The following MYO9B variants were observed in gnomAD, a reference collection of about 807,000 sequenced individuals.
The protein encoded by MYO9B is myosin IXB, also known as unconventional myosin-IXb.
MYO9B carries 71 observed loss-of-function variants against 229.5 expected under a neutral mutation model. The observed-to-expected ratio is 0.31, with a 90% CI of 0.26 to 0.38. MYO9B has a LOEUF of 0.38. Ranked by LOEUF, MYO9B falls within the 10% of genes least tolerant of loss-of-function variation. The pLI is 1.00. For missense variants in MYO9B, 2,255 were observed against 2,920.5 expected, an observed-to-expected ratio of 0.77 and a Z score of 5.25; for synonymous variants, 1,185 against 1,235.8, an observed-to-expected ratio of 0.96 and a Z score of 0.86.
chr19:17,149,769 T>C (rs773771443), intron 3 of MYO9B, among the ~76,000 whole-genome samples: 1 of 152,214 alleles, frequency 6.6e-6, no homozygotes, highest in Non-Finnish European at 1.5e-5. Flanking sequence ...GACTCAGTGC[T>C]GGAGGAGCCC....
chr19:17,149,282 T>C lies in MYO9B; in HGVS notation c.936-3362T>C, dbSNP rs79945079. ...GCATGAGCCACTGCGCCCAGCTCCC[T>C]TTTTCCAGATAAAGTCATATCCCCA... On this transcript the variant is annotated intron_variant, in intron 3 of 39. Transcript: ENST00000682292. Among the ~76,000 whole-genome samples, 41 of 152,196 alleles carry C rather than the reference T, an allele frequency of 2.7e-4. No individual in the cohort carries two copies. In the East Asian group the frequency reaches 7.7e-3, roughly 29 times the overall value.
chr19:17,201,911 C>T lies in MYO9B; in HGVS notation c.4564-15C>T. The T allele has an allele frequency of 1.2e-6, 2 of 1,603,654 alleles. No homozygotes were observed. Among genetic ancestry groups the T allele is most frequent in the Non-Finnish European group, 1.7e-6 (2 of 1,172,720 alleles). On this transcript the variant is annotated splice_polypyrimidine_tract_variant and intron_variant, in intron 26 of 39. Coordinates refer to ENST00000682292, the MANE Select transcript of MYO9B (RefSeq NM_004145.4). ...AGGCCTGAGGCACGCAGGGTCAGTT[C>T]CTCTCCCCTTCCAGATAAATGACCT...
chr19:17,107,027 C>T (rs1420800601), intron 2 of MYO9B, among the ~76,000 whole-genome samples: 2 of 151,526 alleles, frequency 1.3e-5, no homozygotes, highest in Non-Finnish European at 2.9e-5. Flanking sequence ...CGCACCATTG[C>T]ACTCCAGCCT....
chr19:17,188,667 T>C (rs1026773129), intron 19 of MYO9B, among the ~76,000 whole-genome samples: 2 of 152,146 alleles, frequency 1.3e-5, no homozygotes, highest in African/African-American at 4.8e-5. Context: ...GAAATGCTGG[T>C]GTATTTTACC....
intron 3 of MYO9B, among the ~76,000 whole-genome samples, chr19:17,147,377 C>G (rs1235942345): frequency 6.6e-6 from 1 of 151,968 alleles, no homozygotes; most frequent in Non-Finnish European, 1.5e-5. Flanking sequence ...ACCGCCATCT[C>G]TACTAAAAAT....
At chr19:17,100,340 G>A (rs995963601) in intron 1 of MYO9B, among the ~76,000 whole-genome samples, 1 of 151,800 alleles carries the variant, frequency 6.6e-6, no homozygotes, top group Non-Finnish European at 1.5e-5. Context: ...GGGTGTGGTG[G>A]CGCATGCCTA....
chr19:17,185,874 G>A, intron 17 of MYO9B, 47 bp from the exon 18 acceptor site: 1 of 1,510,006 alleles, frequency 6.6e-7, no homozygotes, highest in Non-Finnish European at 9.2e-7. Context: ...AACAGCGGCT[G>A]TCAGGGTCCC....
At chr19:17,180,583 C>A (rs147853407) in intron 14 of MYO9B, 2,629 of 164,250 alleles carry the variant, frequency 0.016, 88 homozygotes, top group African/African-American at 0.06. Context: ...CTCCTGACCT[C>A]AGGTGATCCA....
intron 1 of MYO9B, among the ~76,000 whole-genome samples, chr19:17,079,059 T>A (rs1568648283): frequency 6.6e-6 from 1 of 152,174 alleles, no homozygotes; most frequent in Non-Finnish European, 1.5e-5. Flanking sequence ...CCAGTAGTAT[T>A]CCATCCCCTC....
chr19:17,101,797 C>A lies in MYO9B; in HGVS notation c.80C>A (p.Thr27Asn). ...CTGCACATCTACCCCCAGCTGTCCA[C>A]CACCGAGAGCCAGGCCTCGTGCCGC... Reference protein sequence around the residue: ...YHLHIYPQLSTTESQASCRVT... With the variant: ...YHLHIYPQLSNTESQASCRVT... Residue 27 changes from threonine to asparagine, a missense_variant, in exon 2 of 40, where the codon ACC becomes AAC. Physicochemically the swap from Thr to Asn is moderately conservative, Grantham distance 65. Coordinates refer to ENST00000682292, the MANE Select transcript of MYO9B (RefSeq NM_004145.4). The surrounding 1 kb of genome is among the most constrained non-coding windows in gnomAD (Gnocchi z 4.7). The A allele has an allele frequency of 1.9e-6, 3 of 1,605,314 alleles. No homozygotes were observed. Among genetic ancestry groups the A allele is most frequent in the Non-Finnish European group, 2.5e-6 (3 of 1,178,708 alleles).
intron 8 of MYO9B, among the ~76,000 whole-genome samples, chr19:17,161,257 C>T (rs2072598795): frequency 6.6e-6 from 1 of 152,016 alleles, no homozygotes; most frequent in Admixed American, 6.6e-5. Flanking sequence ...ATTTTGGTTG[C>T]TCTGAGGAGC....
chr19:17,120,851 G>T (rs1278854071), intron 2 of MYO9B, among the ~76,000 whole-genome samples: 1 of 152,164 alleles, frequency 6.6e-6, no homozygotes, highest in Non-Finnish European at 1.5e-5. Context: ...GGTGGCACAT[G>T]CCTGTAGTTG....
rs1190791053 is a variant in MYO9B at position 17,212,350 on chromosome 19, C to T, written c.*40C>T. On this transcript the variant is annotated 3_prime_UTR_variant, in exon 40 of 40. Coordinates refer to ENST00000682292, the MANE Select transcript of MYO9B (RefSeq NM_004145.4). This position sits in a 1 kb window ranked among gnomAD's most constrained non-coding sequence, Gnocchi z 5.4. ...AAAGTCTGCATGTCCGAGGACGGCC[C>T]CTGCACTGGAGCTGGGCGCCAGAGC... 2.5e-5 allele frequency: 36 copies of T among 1,431,358 alleles called. No homozygotes were observed. Among genetic ancestry groups the T allele is most frequent in the Non-Finnish European group, 3.1e-5 (34 of 1,098,436 alleles). 88.7% of individuals were successfully genotyped at this position (1,431,358 alleles called of 1,614,324 possible).
intron 1 of MYO9B, among the ~76,000 whole-genome samples, chr19:17,081,176 C>T (rs553325428): frequency 3.9e-5 from 6 of 152,120 alleles, no homozygotes; most frequent in Non-Finnish European, 5.9e-5. Context: ...TACAGGCGTG[C>T]GCCACCACGC....
intron 30 of MYO9B, among the ~76,000 whole-genome samples, chr19:17,203,673 C>T (rs558454529): frequency 5.8e-4 from 88 of 151,710 alleles, no homozygotes; most frequent in Non-Finnish European, 7.9e-4. Flanking sequence ...CTTTCTGGAC[C>T]GTTGTCCCAG....
At chr19:17,206,956 T>C (rs923265246) in intron 34 of MYO9B, 157 bp from the exon 35 acceptor site, 9 of 1,295,136 alleles carry the variant, frequency 6.9e-6, no homozygotes, top group African/African-American at 2.9e-5. Flanking sequence ...CCGGGTCCCT[T>C]GAGGTACCTC....
chr19:17,172,531 C>A lies in MYO9B; in HGVS notation c.1935+54C>A. 6.3e-7 allele frequency: 1 copy of A among 1,599,590 alleles called. No homozygotes were observed. The highest frequency in any genetic ancestry group is 8.5e-7 in the Non-Finnish European group (1 of 1,172,936). Reference sequence around the variant, plus strand: ...AAGCCTGAGGGAAGCCACAGTCAGCCCAGAAGCCCATGTGGGAGGATCCTC... The same window carrying A: ...AAGCCTGAGGGAAGCCACAGTCAGCACAGAAGCCCATGTGGGAGGATCCTC... On this transcript the variant is annotated intron_variant, in intron 12 of 39. Transcript: ENST00000682292. The surrounding 1 kb of genome is among the most constrained non-coding windows in gnomAD (Gnocchi z 8.2).
chr19:17,206,546 C>T (rs1465917694), intron 33 of MYO9B, 133 bp from the exon 34 acceptor site: 41 of 1,293,462 alleles, frequency 3.2e-5, no homozygotes, highest in Non-Finnish European at 4.0e-5. Context: ...GCCAGGACAC[C>T]TCTGTAGCCA....
rs566389369 is a variant in MYO9B at position 17,088,508 on chromosome 19, C to T, written c.-59+12634C>T. On this transcript the variant is annotated intron_variant, in intron 1 of 39. Coordinates refer to ENST00000682292, the MANE Select transcript of MYO9B (RefSeq NM_004145.4). ...CCTGCTGGCTCCCCCAGCTGCTCCC[C>T]GAGGAGTTTCCCATCCCTGCTCTGT... 3.9e-5 allele frequency among the ~76,000 whole-genome samples: 6 copies of T among 152,318 alleles called. No individual in the cohort carries two copies. In the East Asian group the frequency reaches 7.7e-4, roughly 20 times the overall value.
Sources: allele counts gnomAD v4.1 joint callset (sites outside exome capture counted in the v4.1 genomes callset), GRCh38; gene constraint gnomAD v4.1.1; non-coding constraint Gnocchi (gnomAD v3.1); transcripts MANE v1.5; gene names NCBI Gene and HGNC (gene_info 2026-07-23, HGNC 2026-07-21).